HSPB8: variants seen among roughly 807,000 people sequenced by gnomAD.
HSPB8 encodes heat shock protein beta-8.
A neutral mutation model predicts 16.5 loss-of-function variants in HSPB8; 9 were observed. The ratio of observed to expected loss-of-function variants is 0.55; its 90% CI spans 0.33 to 0.95. The LOEUF (loss-of-function observed/expected upper bound fraction) is 0.95. Among genes scored for constraint, HSPB8 ranks in the 40% least tolerant of loss-of-function variants. The probability of loss-of-function intolerance (pLI) is 0.03; values close to 1 mark genes in which losing one functional copy is unlikely to be tolerated. For synonymous variants in HSPB8, 99 were observed against 94.8 expected, an observed-to-expected ratio of 1.04 and a Z score of -0.26; for missense variants, 238 against 251.2, an observed-to-expected ratio of 0.95 and a Z score of 0.35.
rs768405176 is a variant in HSPB8, at chr12:119,179,527, G to T, written c.215G>T (p.Gly72Val). Residue 72 changes from glycine (G) to valine (V), a missense_variant, in exon 1 of 3, where the codon GGC becomes GTC. By Grantham distance (109) the Gly-to-Val change is moderately radical (BLOSUM62 -3). Coordinates refer to ENST00000281938, the MANE Select transcript of HSPB8 (RefSeq NM_014365.3). ...GTLRSGMVPRGPTATARFGVP... is the reference protein window; with the variant it reads ...GTLRSGMVPRVPTATARFGVP... ...CTAAGGTCGGGCATGGTGCCCCGGG[G>T]CCCCACTGCCACCGCCAGGTTTGGG... 2 of 1,613,800 alleles carry T rather than the reference G, an allele frequency of 1.2e-6. No individual in the cohort carries two copies. The highest frequency in any genetic ancestry group is 1.3e-5 in the African/African-American group (1 of 75,046).
In HSPB8 at chr12:119,194,687, G is replaced by T; in HGVS notation, c.*829G>T. On this transcript the variant is annotated 3_prime_UTR_variant, in exon 3 of 3. Coordinates refer to ENST00000281938, the MANE Select transcript of HSPB8 (RefSeq NM_014365.3). ...ATTTGAGTTATGCTGTTGTTTAGGGGTAAATAACAGTAAATAATTAATAAT... is the reference window on the plus strand; with the variant it reads ...ATTTGAGTTATGCTGTTGTTTAGGGTTAAATAACAGTAAATAATTAATAAT... 1 of 246,442 alleles carries T rather than the reference G, an allele frequency of 4.1e-6. No individual in the cohort carries two copies. 15.3% of individuals were successfully genotyped at this position (246,442 alleles called of 1,614,324 possible). A position where few individuals can be genotyped will look rare whatever the true frequency, so the allele number is the denominator to read the frequency against.
intron 1 of HSPB8, 75 bp downstream of exon 1, chr12:119,179,754 A>G: frequency 6.6e-7 from 1 of 1,512,090 alleles, no homozygotes; most frequent in Non-Finnish European, 8.8e-7. Flanking sequence ...AGCCAGAGAA[A>G]GTTTCCTGGG....
At chr12:119,183,522 G>C (rs921768184) in intron 1 of HSPB8, among the ~76,000 whole-genome samples, 1 of 152,142 alleles carries the variant, frequency 6.6e-6, no homozygotes, top group African/African-American at 2.4e-5. Context: ...GTTGAAAAAA[G>C]CATGTCTGCA....
intron 2 of HSPB8, 140 bp from the exon 3 acceptor site, chr12:119,193,559 G>A (rs1954725038): frequency 2.4e-6 from 2 of 835,264 alleles, no homozygotes; most frequent in East Asian, 5.3e-5. Context: ...GCTAGAAAGG[G>A]GTAGAGCCAG....
intron 1 of HSPB8, 140 bp from the exon 2 acceptor site, chr12:119,186,885 C>T: frequency 1.3e-6 from 1 of 789,512 alleles, no homozygotes; most frequent in Non-Finnish European, 2.2e-6. Context: ...GTCCTTGAGG[C>T]TTAGATAACT....
chr12:119,185,977 A>G (rs960232200), intron 1 of HSPB8, among the ~76,000 whole-genome samples: 2 of 152,148 alleles, frequency 1.3e-5, no homozygotes, highest in Non-Finnish European at 2.9e-5. Context: ...TTGCCTCCAG[A>G]AGGTGGCCCC....
At chr12:119,188,296 GA>G in intron 2 of HSPB8, among the ~76,000 whole-genome samples, 1 of 148,404 alleles carries the variant, frequency 6.7e-6, no homozygotes, top group Admixed American at 6.8e-5. Flanking sequence ...GCCCAGGCTG[GA>G]GTGCAGTGGC....
At chr12:119,185,557 C>T (rs1305713257) in intron 1 of HSPB8, among the ~76,000 whole-genome samples, 6 of 152,120 alleles carry the variant, frequency 3.9e-5, no homozygotes, top group African/African-American at 1.4e-4. Context: ...AGGTCTCGAT[C>T]TCTTGACCTC....
intron 2 of HSPB8, among the ~76,000 whole-genome samples, chr12:119,191,259 G>A (rs1212103606): frequency 1.3e-5 from 2 of 152,266 alleles, no homozygotes; most frequent in Non-Finnish European, 1.5e-5. Flanking sequence ...GTGTGGTCAG[G>A]AAGAGTCAGA....
chr12:119,181,394 G>A (rs1407167979), intron 1 of HSPB8, among the ~76,000 whole-genome samples: 1 of 152,200 alleles, frequency 6.6e-6, no homozygotes, highest in Admixed American at 6.5e-5. Flanking sequence ...AGGTAGGTGA[G>A]AGACAAATGG....
At chr12:119,191,645 G>A (rs1234895756) in intron 2 of HSPB8, among the ~76,000 whole-genome samples, 2 of 151,536 alleles carry the variant, frequency 1.3e-5, no homozygotes, top group African/African-American at 4.8e-5. Flanking sequence ...TCCTGCCTAT[G>A]ATCAGGAATG....
At chr12:119,191,750 C>T (rs999191809) in intron 2 of HSPB8, among the ~76,000 whole-genome samples, 5 of 152,154 alleles carry the variant, frequency 3.3e-5, no homozygotes, top group East Asian at 1.9e-4. Flanking sequence ...ATTGAACTGC[C>T]GGTCCTTCCT....
Position 119,182,670 on chromosome 12 carries a change from G to A in HSPB8, c.367+2991G>A, listed in dbSNP as rs558702846. ...AATAAAAAATAAAAATAAATAAAAAGCAATTTTCAAGGGAAGTTGGAAGTC... is the reference window on the plus strand; with the variant it reads ...AATAAAAAATAAAAATAAATAAAAAACAATTTTCAAGGGAAGTTGGAAGTC... On this transcript the variant is annotated intron_variant, in intron 1 of 2. Transcript: ENST00000281938. 8.7e-4 allele frequency among the ~76,000 whole-genome samples: 133 copies of A among 152,118 alleles called. 1 individual carries two copies. The highest frequency in any genetic ancestry group is 3.0e-3 in the African/African-American group (126 of 41,530).
chr12:119,185,726 A>T (rs1400943780), intron 1 of HSPB8, among the ~76,000 whole-genome samples: 1 of 152,090 alleles, frequency 6.6e-6, no homozygotes, highest in Non-Finnish European at 1.5e-5. Flanking sequence ...CTCCTGTCTC[A>T]GTCTCCCAAA....
In HSPB8 at chr12:119,179,562, G is replaced by T. The variant is rs757293016; in HGVS notation, c.250G>T (p.Glu84Ter). ...TATARFGVPA[E>*]GRTPPPFPGE... ...CACCGCCAGGTTTGGGGTGCCTGCC[G>T]AGGGCAGGACCCCCCCACCCTTCCC... Residue 84 changes from glutamate to a stop codon, truncating the protein, a stop_gained, in exon 1 of 3, where the codon GAG becomes TAG. Transcript: ENST00000281938. LOFTEE classifies it high-confidence loss of function. 6.2e-7 allele frequency: 1 copy of T among 1,613,380 alleles called. No individual in the cohort carries two copies. Among genetic ancestry groups the T allele is most frequent in the Non-Finnish European group, 8.5e-7 (1 of 1,179,598 alleles).
In HSPB8 at chr12:119,179,032, TG is replaced by T. The variant is rs1375479173; in HGVS notation, c.-278del. 3.8e-6 allele frequency: 2 copies of T among 523,214 alleles called. No homozygotes were observed. Among genetic ancestry groups the T allele is most frequent in the Non-Finnish European group, 6.9e-6 (2 of 289,066 alleles). 32.4% of individuals were successfully genotyped at this position (523,214 alleles called of 1,614,324 possible). On this transcript the variant is annotated 5_prime_UTR_variant, in exon 1 of 3. Transcript: ENST00000281938. ...GCCAGCCTGGGCAGCCTGGGAAGCCTGGGAGGACGGTGGCTTGCCGGTCTGT... is the reference window on the plus strand; with the variant it reads ...GCCAGCCTGGGCAGCCTGGGAAGCCTGGAGGACGGTGGCTTGCCGGTCTGT...
intron 2 of HSPB8, among the ~76,000 whole-genome samples, chr12:119,191,689 C>A (rs1379103661): frequency 6.6e-6 from 1 of 152,026 alleles, no homozygotes. Context: ...TTCATCAAGA[C>A]CCTCGTATTT....
At position 119,189,173 on chromosome 12, in the gene HSPB8, G is replaced by A. The variant is rs192078697; in HGVS notation, c.431+2085G>A. The stretch of plus-strand genomic sequence containing the variant: ...GCAGATTAAACATTGCTGAGGGAGA[G>A]GAAGGAAGGCAGGGGGTGGGGGGAA... On this transcript the variant is annotated intron_variant, in intron 2 of 2. Coordinates refer to ENST00000281938, the MANE Select transcript of HSPB8 (RefSeq NM_014365.3). Among the ~76,000 whole-genome samples, 307 of 152,274 alleles carry A rather than the reference G, an allele frequency of 2.0e-3. 1 individual carries two copies. The highest frequency in any genetic ancestry group is 0.01 in the Middle Eastern group (3 of 294).
intron 1 of HSPB8, 159 bp from the exon 2 acceptor site, chr12:119,186,866 G>A: frequency 1.4e-6 from 1 of 715,296 alleles, no homozygotes; most frequent in Non-Finnish European, 2.5e-6. Flanking sequence ...GGTCTGTATG[G>A]CAGACAAGGT....
Sources: gnomAD v4.1 joint callset for allele counts (sites outside exome capture counted in the v4.1 genomes callset) on GRCh38, gnomAD v4.1.1 for gene constraint, MANE v1.5 for transcripts, NCBI Gene and HGNC (gene_info 2026-07-23, HGNC 2026-07-21) for gene names.